PRKCA: variants seen among roughly 807,000 people sequenced by gnomAD.
PRKCA encodes the protein protein kinase C alpha type.
In PRKCA, 27 loss-of-function variants were observed where a neutral mutation model predicts 87.0. That is an observed-to-expected ratio of 0.31 (90% CI 0.23 to 0.43). The LOEUF (loss-of-function observed/expected upper bound fraction) is 0.43, where lower values mean the gene tolerates loss of function less well. Ranked by LOEUF, PRKCA falls within the 20% of genes least tolerant of loss-of-function variation. The probability of loss-of-function intolerance (pLI) is 1.00; values close to 1 mark genes in which losing one functional copy is unlikely to be tolerated. For synonymous variants in PRKCA, 329 were observed against 311.1 expected, an observed-to-expected ratio of 1.06 and a Z score of -0.61; for missense variants, 518 against 852.3, an observed-to-expected ratio of 0.61 and a Z score of 4.88.
chr17:66,623,522 G>T (rs950189304), intron 3 of PRKCA, among the ~76,000 whole-genome samples: 1 of 152,058 alleles, frequency 6.6e-6, no homozygotes, highest in African/African-American at 2.4e-5. Flanking sequence ...AGAGTGTGCC[G>T]TGCCTTGGGA....
intron 2 of PRKCA, among the ~76,000 whole-genome samples, chr17:66,332,880 A>C (rs1283715356): frequency 6.6e-6 from 1 of 151,920 alleles, no homozygotes; most frequent in South Asian, 2.1e-4. Flanking sequence ...TTTAGTAGAG[A>C]CGGGGTTTCA....
chr17:66,452,462 G>A (rs1176078180), intron 2 of PRKCA, among the ~76,000 whole-genome samples: 1 of 152,178 alleles, frequency 6.6e-6, no homozygotes, highest in Admixed American at 6.5e-5. Flanking sequence ...TGTGTATAGC[G>A]AGAATAAGGA....
intron 3 of PRKCA, among the ~76,000 whole-genome samples, chr17:66,621,643 G>T (rs753122507): frequency 6.6e-6 from 1 of 152,162 alleles, no homozygotes; most frequent in Non-Finnish European, 1.5e-5. Flanking sequence ...TCATGGAGTA[G>T]ATGCACTTTT....
intron 3 of PRKCA, among the ~76,000 whole-genome samples, chr17:66,577,705 C>T (rs1567909656): frequency 2.6e-5 from 4 of 152,070 alleles, no homozygotes. Flanking sequence ...TCCTTCTTTT[C>T]TTTTTTATTG....
intron 3 of PRKCA, among the ~76,000 whole-genome samples, chr17:66,543,101 T>C (rs1230440423): frequency 6.6e-6 from 1 of 152,242 alleles, no homozygotes; most frequent in Non-Finnish European, 1.5e-5. Flanking sequence ...TAATGTTTAA[T>C]GCAATGTGCC....
intron 3 of PRKCA, among the ~76,000 whole-genome samples, chr17:66,527,922 G>C (rs1967401063): frequency 6.6e-6 from 1 of 152,136 alleles, no homozygotes; most frequent in African/African-American, 2.4e-5. Flanking sequence ...TACAGGTTGG[G>C]CGCGGTAGCT....
At chr17:66,491,697 G>T (rs974935693) in intron 2 of PRKCA, among the ~76,000 whole-genome samples, 1 of 152,186 alleles carries the variant, frequency 6.6e-6, no homozygotes, top group Non-Finnish European at 1.5e-5. Flanking sequence ...CAAACCTAAT[G>T]CATCCTTTTG....
chr17:66,651,213 G>A (rs1971584453), intron 5 of PRKCA, among the ~76,000 whole-genome samples: 1 of 152,226 alleles, frequency 6.6e-6, no homozygotes, highest in Non-Finnish European at 1.5e-5. Flanking sequence ...GTGAGAGTTG[G>A]AGAGAGCTGG....
At chr17:66,778,362 A>C (rs1346525429) in intron 14 of PRKCA, 22 of 423,900 alleles carry the variant, frequency 5.2e-5, no homozygotes, top group African/African-American at 6.5e-5. Context: ...AAATGCAAAA[A>C]AAAATTAGCC....
intron 14 of PRKCA, among the ~76,000 whole-genome samples, chr17:66,778,438 C>G (rs1975116327): frequency 6.6e-6 from 1 of 152,178 alleles, no homozygotes; most frequent in Non-Finnish European, 1.5e-5. Context: ...ATGGCGTGAA[C>G]CCGGGAGGCG....
rs140147071 is a variant in PRKCA at position 66,434,992 on chromosome 17, G to A, written c.206-61209G>A. On this transcript the variant is annotated intron_variant, in intron 2 of 16. Coordinates refer to ENST00000413366, the MANE Select transcript of PRKCA (RefSeq NM_002737.3). ...CTTGTTTCTCAAACTTGACTCTTTG[G>A]TTTGATCGACATTTTCCCTAATGCT... Among the ~76,000 whole-genome samples the A allele has an allele frequency of 4.6e-3, 702 of 152,224 alleles. 6 individuals are homozygous for A. Among genetic ancestry groups the A allele is most frequent in the African/African-American group, 0.016 (681 of 41,532 alleles).
chr17:66,519,046 A>G (rs910990952), intron 3 of PRKCA, among the ~76,000 whole-genome samples: 2 of 152,228 alleles, frequency 1.3e-5, no homozygotes, highest in African/African-American at 4.8e-5. Flanking sequence ...CACTACACAA[A>G]CATCAGGGTC....
chr17:66,409,658 G>C (rs996812044), intron 2 of PRKCA, among the ~76,000 whole-genome samples: 1 of 152,150 alleles, frequency 6.6e-6, no homozygotes, highest in African/African-American at 2.4e-5. Context: ...GGCTGGGCGC[G>C]GTGGCTCACG....
chr17:66,739,267 G>T (rs910422316), intron 11 of PRKCA, among the ~76,000 whole-genome samples: 5 of 152,212 alleles, frequency 3.3e-5, no homozygotes, highest in African/African-American at 1.2e-4. Flanking sequence ...CCTAAACATG[G>T]GAGGCGGAGG....
At chr17:66,390,454 T>A (rs1910298293) in intron 2 of PRKCA, among the ~76,000 whole-genome samples, 1 of 152,170 alleles carries the variant, frequency 6.6e-6, no homozygotes, top group East Asian at 1.9e-4. Flanking sequence ...CAGCTTTTTG[T>A]TTTTTAAGAA....
chr17:66,485,595 G>A (rs778464527), intron 2 of PRKCA, among the ~76,000 whole-genome samples: 1 of 152,194 alleles, frequency 6.6e-6, no homozygotes, highest in African/African-American at 2.4e-5. Context: ...TTTGGGAGAA[G>A]ATTGGGGTTG....
chr17:66,698,268 A>C (rs963905187), intron 8 of PRKCA, among the ~76,000 whole-genome samples: 11 of 152,210 alleles, frequency 7.2e-5, no homozygotes, highest in African/African-American at 2.4e-4. Context: ...CCAGAAAGCA[A>C]CTACTAAAAA....
At chr17:66,784,677 T>C (rs1975333759) in intron 14 of PRKCA, among the ~76,000 whole-genome samples, 1 of 152,254 alleles carries the variant, frequency 6.6e-6, no homozygotes, top group Non-Finnish European at 1.5e-5. Context: ...GGCTGCGTGC[T>C]GTTAGGCAGG....
intron 3 of PRKCA, among the ~76,000 whole-genome samples, chr17:66,617,183 A>T (rs1019932159): frequency 6.6e-6 from 1 of 152,200 alleles, no homozygotes; most frequent in Non-Finnish European, 1.5e-5. Context: ...TCAGAGCTTG[A>T]TGGGGACAGG....
Sources: gnomAD v4.1 joint callset for allele counts (sites outside exome capture counted in the v4.1 genomes callset) on GRCh38, gnomAD v4.1.1 for gene constraint, MANE v1.5 for transcripts, NCBI Gene and HGNC (gene_info 2026-07-23, HGNC 2026-07-21) for gene names.